IMMP2L: variants seen among roughly 807,000 people sequenced by gnomAD.
The protein encoded by IMMP2L is inner mitochondrial membrane peptidase subunit 2, also known as mitochondrial inner membrane protease subunit 2.
IMMP2L carries 18 observed loss-of-function variants against 19.3 expected under a neutral mutation model. The ratio of observed to expected loss-of-function variants is 0.93; its 90% CI spans 0.64 to 1.38. The LOEUF (loss-of-function observed/expected upper bound fraction) is 1.38. Ranked by LOEUF, IMMP2L falls within the 40% of genes most tolerant of loss-of-function variation. The pLI is 0.00. For missense variants in IMMP2L, 233 were observed against 218.2 expected, an observed-to-expected ratio of 1.07 and a Z score of -0.43; for synonymous variants, 76 against 73.0, an observed-to-expected ratio of 1.04 and a Z score of -0.21.
At chr7:111,163,815 T>G (rs976469952) in intron 3 of IMMP2L, among the ~76,000 whole-genome samples, 1 of 151,994 alleles carries the variant, frequency 6.6e-6, no homozygotes, top group Non-Finnish European at 1.5e-5. Context: ...TATCTCTTAT[T>G]GAGAATGTCT....
At chr7:111,322,583 T>C (rs941917214) in intron 3 of IMMP2L, among the ~76,000 whole-genome samples, 1 of 151,436 alleles carries the variant, frequency 6.6e-6, no homozygotes, top group Non-Finnish European at 1.5e-5. Context: ...ATCTGGGTGG[T>C]AGAAGGAACT....
intron 3 of IMMP2L, among the ~76,000 whole-genome samples, chr7:111,271,443 T>A (rs1411255524): frequency 2.6e-5 from 4 of 152,194 alleles, no homozygotes; most frequent in Admixed American, 6.6e-5. Context: ...ATTACACTTA[T>A]GCCCTCATGC....
At chr7:110,861,299 AG>A (rs1807404929) in intron 5 of IMMP2L, among the ~76,000 whole-genome samples, 1 of 151,878 alleles carries the variant, frequency 6.6e-6, no homozygotes, top group South Asian at 2.1e-4. Flanking sequence ...TTTTGGAGAC[AG>A]GGTCTTGCGT....
At chr7:111,322,366 G>C (rs926517348) in intron 3 of IMMP2L, among the ~76,000 whole-genome samples, 1 of 151,806 alleles carries the variant, frequency 6.6e-6, no homozygotes, top group African/African-American at 2.4e-5. Flanking sequence ...ACATCATATA[G>C]ACATTCTGAA....
intron 4 of IMMP2L, among the ~76,000 whole-genome samples, chr7:110,909,926 C>CAGAGAGAG (rs139251144): frequency 7.7e-4 from 113 of 145,824 alleles, no homozygotes; most frequent in African/African-American, 2.8e-3. Context: ...GAGAGATAGA[C>CAGAGAGAG]AGAGAGAGAG....
chr7:110,766,004 C>T (rs758041016), intron 5 of IMMP2L, among the ~76,000 whole-genome samples: 1 of 152,048 alleles, frequency 6.6e-6, no homozygotes, highest in Non-Finnish European at 1.5e-5. Context: ...GTTTTCAGGA[C>T]CACATATAGC....
intron 3 of IMMP2L, among the ~76,000 whole-genome samples, chr7:111,160,374 G>A (rs1274125164): frequency 6.6e-6 from 1 of 151,984 alleles, no homozygotes; most frequent in African/African-American, 2.4e-5. Flanking sequence ...ATACATATTA[G>A]AGTAGTCTAC....
intron 2 of IMMP2L, among the ~76,000 whole-genome samples, chr7:111,517,878 T>C (rs925034522): frequency 2.0e-5 from 3 of 152,102 alleles, no homozygotes; most frequent in African/African-American, 7.2e-5. Context: ...GTATGAATAA[T>C]CATTAACCAA....
At chr7:111,474,522 G>A (rs1289669443) in intron 3 of IMMP2L, among the ~76,000 whole-genome samples, 1 of 150,872 alleles carries the variant, frequency 6.6e-6, no homozygotes. Context: ...TTTTTTTTCA[G>A]TATGCTCTTA....
chr7:111,055,241 G>A (rs1793399943), intron 3 of IMMP2L, among the ~76,000 whole-genome samples: 2 of 151,916 alleles, frequency 1.3e-5, no homozygotes, highest in African/African-American at 2.4e-5. Context: ...GTCCCGCAAC[G>A]TTCACCAGGC....
At chr7:111,106,573 C>A (rs1352274557) in intron 3 of IMMP2L, among the ~76,000 whole-genome samples, 1 of 151,190 alleles carries the variant, frequency 6.6e-6, no homozygotes, top group Non-Finnish European at 1.5e-5. Context: ...GAAAGGCTTG[C>A]TATTTTGAGG....
intron 5 of IMMP2L, among the ~76,000 whole-genome samples, chr7:110,719,357 AAGAAAAAAGGCC>A (rs1231259620): frequency 6.6e-6 from 1 of 152,208 alleles, no homozygotes; most frequent in African/African-American, 2.4e-5. Context: ...TCAAGGTGAA[AAGAAAAAAGGCC>A]TTTCTCACTA....
At chr7:110,790,584 T>C (rs1403753657) in intron 5 of IMMP2L, among the ~76,000 whole-genome samples, 1 of 151,694 alleles carries the variant, frequency 6.6e-6, no homozygotes, top group African/African-American at 2.4e-5. Flanking sequence ...TGAACAGACA[T>C]GATAGCTTGG....
In IMMP2L at chr7:110,728,006, T is replaced by C. The variant is rs1796013324; in HGVS notation, c.409-64285A>G. On this transcript the variant is annotated intron_variant, in intron 5 of 5. Transcript: ENST00000405709. This position sits in a 1 kb window ranked among gnomAD's most constrained non-coding sequence, Gnocchi z 4.6. ...TAAAAGGCAGCACAGGAAGCTTGAG[T>C]CTGGCTTTGGAGCCAGTTTACCTGA... is the stretch of plus-strand genomic sequence containing the variant. Among the ~76,000 whole-genome samples the C allele has an allele frequency of 1.3e-5, 2 of 152,216 alleles. No individual in the cohort carries two copies. Among genetic ancestry groups the C allele is most frequent in the African/African-American group, 4.8e-5 (2 of 41,456 alleles).
intron 3 of IMMP2L, among the ~76,000 whole-genome samples, chr7:111,207,377 T>A (rs1017078984): frequency 3.9e-5 from 6 of 152,148 alleles, no homozygotes; most frequent in African/African-American, 1.4e-4. Flanking sequence ...ATGTAAGAGC[T>A]CAATTAATGT....
chr7:111,240,162 T>C (rs1481598973), intron 3 of IMMP2L, among the ~76,000 whole-genome samples: 2 of 152,114 alleles, frequency 1.3e-5, no homozygotes, highest in East Asian at 3.9e-4. Context: ...CTTAAGGATG[T>C]ATAGCTACTG....
At chr7:111,298,223 A>C (rs1383560337) in intron 3 of IMMP2L, among the ~76,000 whole-genome samples, 2 of 152,118 alleles carry the variant, frequency 1.3e-5, no homozygotes, top group Non-Finnish European at 2.9e-5. Flanking sequence ...AGCTTATTAT[A>C]CTGGTCAAGG....
At chr7:111,468,222 G>C (rs1840867656) in intron 3 of IMMP2L, among the ~76,000 whole-genome samples, 1 of 152,054 alleles carries the variant, frequency 6.6e-6, no homozygotes, top group South Asian at 2.1e-4. Flanking sequence ...TAGTTTCCAA[G>C]TATAGAAAGC....
At chr7:110,886,762 C>G in intron 4 of IMMP2L, 67 bp from the exon 5 acceptor site, 1 of 738,476 alleles carries the variant, frequency 1.4e-6, no homozygotes, top group Non-Finnish European at 2.4e-6. Flanking sequence ...GGCATACAAA[C>G]TTAGGAATGG....
Sources: gnomAD v4.1 joint callset for allele counts (sites outside exome capture counted in the v4.1 genomes callset) on GRCh38, gnomAD v4.1.1 for gene constraint, Gnocchi (gnomAD v3.1) non-coding constraint, MANE v1.5 for transcripts, NCBI Gene and HGNC (gene_info 2026-07-23, HGNC 2026-07-21) for gene names.